The following KCNH5 variants were observed in gnomAD, a reference collection of about 807,000 sequenced individuals.
KCNH5 encodes potassium voltage-gated channel subfamily H member 5, also known as voltage-gated delayed rectifier potassium channel KCNH5.
KCNH5 carries 46 observed loss-of-function variants against 96.1 expected under a neutral mutation model. The ratio of observed to expected loss-of-function variants is 0.48; its 90% CI spans 0.38 to 0.61. KCNH5 has a LOEUF of 0.61. KCNH5 is among the 20% of genes least tolerant of loss of function. The pLI is 0.00. For synonymous variants in KCNH5, 439 were observed against 449.8 expected (o/e 0.98, Z 0.30); for missense variants, 907 against 1,225.8 (o/e 0.74, Z 3.88).
intron 2 of KCNH5, among the ~76,000 whole-genome samples, chr14:63,010,136 AAT>A (rs752074378): frequency 9.2e-5 from 14 of 152,150 alleles, no homozygotes; most frequent in Non-Finnish European, 1.9e-4. Flanking sequence ...TCTCTGTTAT[AAT>A]ATTGGGCAGT....
chr14:62,868,168 A>C (rs558276382), intron 7 of KCNH5, among the ~76,000 whole-genome samples: 3 of 152,240 alleles, frequency 2.0e-5, no homozygotes, highest in Non-Finnish European at 4.4e-5. Flanking sequence ...ATCTGATGTC[A>C]TGTGGTAGCT....
chr14:62,745,888 G>T (rs933849643), intron 10 of KCNH5, among the ~76,000 whole-genome samples: 1 of 152,138 alleles, frequency 6.6e-6, no homozygotes, highest in Non-Finnish European at 1.5e-5. Flanking sequence ...TTGATATTTC[G>T]ATTGGTTCCT....
intron 5 of KCNH5, among the ~76,000 whole-genome samples, chr14:62,984,744 A>C (rs1890672058): frequency 6.6e-6 from 1 of 152,034 alleles, no homozygotes; most frequent in Non-Finnish European, 1.5e-5. Context: ...AGAAACTAAC[A>C]CTAATCACAG....
intron 6 of KCNH5, among the ~76,000 whole-genome samples, chr14:62,953,332 A>G (rs1890042032): frequency 6.6e-6 from 1 of 152,188 alleles, no homozygotes; most frequent in East Asian, 1.9e-4. Flanking sequence ...ATTTCATGTT[A>G]GGATTCTCAT....
chr14:62,712,638 G>T (rs1323190473), intron 10 of KCNH5: 2 of 770,746 alleles, frequency 2.6e-6, no homozygotes, highest in East Asian at 2.4e-5. Context: ...ATAGATGAAT[G>T]GGTGAAGTAG....
At chr14:62,814,896 CAA>C (rs2140011021) in intron 8 of KCNH5, among the ~76,000 whole-genome samples, 1 of 144,848 alleles carries the variant, frequency 6.9e-6, no homozygotes, top group African/African-American at 2.5e-5. Flanking sequence ...TGCATATATT[CAA>C]AGACCCAAGA....
At chr14:62,772,250 T>A (rs892428051) in intron 10 of KCNH5, among the ~76,000 whole-genome samples, 4 of 152,192 alleles carry the variant, frequency 2.6e-5, no homozygotes, top group Non-Finnish European at 5.9e-5. Context: ...TATACATAAT[T>A]TAGTACACAT....
Position 62,705,814 on chromosome 14 carries a change from A to G in KCNH5, c.*1694T>C, listed in dbSNP as rs1294988663. ...CTGGGAGATAGAAAAGCTCATACAA[A>G]TGGGTATAATAGATCAAGATATCTC... On this transcript the variant is annotated 3_prime_UTR_variant, in exon 11 of 11. Coordinates refer to ENST00000322893, the MANE Select transcript of KCNH5 (RefSeq NM_139318.5). The G allele has an allele frequency of 4.6e-5, 7 of 152,070 alleles. No homozygotes were observed. Among genetic ancestry groups the G allele is most frequent in the African/African-American group, 1.4e-4 (6 of 41,448 alleles). The allele number at this position is 152,070 out of a possible 1,614,324, so 9.4% of individuals were successfully genotyped here. A position where few individuals can be genotyped will look rare whatever the true frequency, so the allele number is the denominator to read the frequency against.
At chr14:62,724,870 A>G (rs967279394) in intron 10 of KCNH5, among the ~76,000 whole-genome samples, 2 of 152,226 alleles carry the variant, frequency 1.3e-5, no homozygotes, top group African/African-American at 2.4e-5. Context: ...AGAATTTGAA[A>G]CAAAAAAGAG....
chr14:62,870,409 A>T (rs549881327), intron 7 of KCNH5, among the ~76,000 whole-genome samples: 68 of 152,188 alleles, frequency 4.5e-4, no homozygotes, highest in Non-Finnish European at 7.8e-4. Context: ...TTTAAATGTG[A>T]GTAGTAATGA....
intron 10 of KCNH5, among the ~76,000 whole-genome samples, chr14:62,727,775 TA>T (rs79827478): frequency 0.016 from 1,839 of 115,890 alleles, 20 homozygotes; most frequent in African/African-American, 0.033. Context: ...TACAGTCTGG[TA>T]AAAAAAAAAA....
At position 63,003,540 on chromosome 14, in the gene KCNH5, AT is replaced by A. The variant is rs1386386460; in HGVS notation, c.305-2082del. 6.5e-3 allele frequency among the ~76,000 whole-genome samples: 707 copies of A among 108,678 alleles called. 12 individuals carry two copies. Among genetic ancestry groups the A allele is most frequent in the African/African-American group, 0.025 (647 of 25,514 alleles). 71.3% of individuals were successfully genotyped at this position (108,678 alleles called of 152,430 possible). A position where few individuals can be genotyped will look rare whatever the true frequency, so the allele number is the denominator to read the frequency against. ...TTTATATATTTTATATATATTATAT[AT>A]TATATATAGTATATATTATATATAT... On this transcript the variant is annotated intron_variant, in intron 3 of 10. Transcript: ENST00000322893.
intron 1 of KCNH5, among the ~76,000 whole-genome samples, chr14:63,025,291 A>G (rs1193963590): frequency 6.6e-6 from 1 of 152,102 alleles, no homozygotes; most frequent in Non-Finnish European, 1.5e-5. Context: ...AAAAAGTTGA[A>G]AGTTTTTCCT....
At chr14:62,928,047 G>C (rs1239774537) in intron 7 of KCNH5, among the ~76,000 whole-genome samples, 1 of 152,042 alleles carries the variant, frequency 6.6e-6, no homozygotes, top group Non-Finnish European at 1.5e-5. Context: ...GTTTGAAAAA[G>C]AGTTGGTAAA....
intron 7 of KCNH5, among the ~76,000 whole-genome samples, chr14:62,874,174 C>G (rs1189913147): frequency 5.3e-5 from 8 of 152,110 alleles, no homozygotes; most frequent in Non-Finnish European, 8.8e-5. Context: ...AAGATTTTAA[C>G]TTCACAAGGA....
intron 6 of KCNH5, among the ~76,000 whole-genome samples, chr14:62,962,594 TAACA>T (rs2139544803): frequency 6.6e-6 from 1 of 152,236 alleles, no homozygotes; most frequent in South Asian, 2.1e-4. Flanking sequence ...TCAGAAGTGC[TAACA>T]AATGAGAAAC....
rs1026361843 is a variant in KCNH5, at chr14:62,703,337, TAGA to T, written c.*4168_*4170del. 8 of 151,880 alleles carry T rather than the reference TAGA, an allele frequency of 5.3e-5. No homozygotes were observed. The highest frequency in any genetic ancestry group is 1.4e-4 in the African/African-American group (6 of 41,428). The allele number at this position is 151,880 out of a possible 1,614,324, so 9.4% of individuals were successfully genotyped here. On this transcript the variant is annotated 3_prime_UTR_variant, in exon 11 of 11. Transcript: ENST00000322893. ...AATCCCTGAAATCTCTTCTAAAATC[TAGA>T]AGAATATTTTGATAGAGAGTACATC...
intron 1 of KCNH5, among the ~76,000 whole-genome samples, chr14:63,043,856 T>C (rs74058829): frequency 0.036 from 5,494 of 152,294 alleles, 174 homozygotes; most frequent in African/African-American, 0.082. Context: ...GCATTATTTA[T>C]TTAATTATTT....
chr14:62,851,566 A>G (rs1431264588), intron 7 of KCNH5, among the ~76,000 whole-genome samples: 1 of 151,456 alleles, frequency 6.6e-6, no homozygotes, highest in Non-Finnish European at 1.5e-5. Flanking sequence ...TGTTGCTATT[A>G]AGAAAAACAA....
Sources: allele counts gnomAD v4.1 joint callset (sites outside exome capture counted in the v4.1 genomes callset), GRCh38; gene constraint gnomAD v4.1.1; transcripts MANE v1.5; gene names NCBI Gene and HGNC (gene_info 2026-07-23, HGNC 2026-07-21).